The following ZFAT variants were observed in gnomAD, a reference collection of about 807,000 sequenced individuals.
The protein encoded by ZFAT is zinc finger protein ZFAT.
ZFAT carries 64 observed loss-of-function variants against 117.7 expected under a neutral mutation model. The ratio of observed to expected loss-of-function variants is 0.54; its 90% CI spans 0.44 to 0.67. The LOEUF (loss-of-function observed/expected upper bound fraction) is 0.67. Among genes scored for constraint, ZFAT ranks in the 30% least tolerant of loss-of-function variants. ZFAT has a pLI of 0.00. For synonymous variants in ZFAT, 679 were observed against 615.0 expected (o/e 1.10, Z -1.54); for missense variants, 1,433 against 1,584.5 (o/e 0.90, Z 1.62).
chr8:134,704,419 C>T (rs80340432), intron 1 of ZFAT, among the ~76,000 whole-genome samples: 1 of 152,142 alleles, frequency 6.6e-6, no homozygotes, highest in South Asian at 2.1e-4. Context: ...GGATGGAATG[C>T]CTGCAGGTCC....
intron 11 of ZFAT, among the ~76,000 whole-genome samples, chr8:134,542,826 G>T (rs536860922): frequency 6.6e-6 from 1 of 152,310 alleles, no homozygotes; most frequent in South Asian, 2.1e-4. Context: ...ACACCTCTCT[G>T]TGACACTCAG....
intron 10 of ZFAT, among the ~76,000 whole-genome samples, chr8:134,574,248 A>G (rs369588277): frequency 2.6e-5 from 4 of 152,242 alleles, no homozygotes; most frequent in African/African-American, 9.6e-5. Flanking sequence ...AAAGGCACCC[A>G]TGTCGCCCTA....
chr8:134,638,577 A>AAC (rs1563711829), intron 2 of ZFAT, among the ~76,000 whole-genome samples: 3 of 142,968 alleles, frequency 2.1e-5, no homozygotes, highest in African/African-American at 7.9e-5. Flanking sequence ...AAAAAAAAAA[A>AAC]CATTAACCAG....
At chr8:134,638,711 G>C (rs1001824587) in intron 2 of ZFAT, among the ~76,000 whole-genome samples, 1 of 150,930 alleles carries the variant, frequency 6.6e-6, no homozygotes, top group African/African-American at 2.4e-5. Flanking sequence ...CTGGGCAACA[G>C]AGCGAGACTC....
At chr8:134,816,999 T>C in the ZFAT span, among the ~76,000 whole-genome samples, 1 of 150,870 alleles carries the variant, frequency 6.6e-6, no homozygotes, top group East Asian at 1.9e-4. Context: ...AAAAAAAAAG[T>C]ATACCATTTA....
At chr8:134,539,589 C>T (rs1822098392) in intron 11 of ZFAT, among the ~76,000 whole-genome samples, 1 of 152,162 alleles carries the variant, frequency 6.6e-6, no homozygotes, top group Non-Finnish European at 1.5e-5. Context: ...AATAGAGATA[C>T]AGACAGAGAT....
chr8:134,592,098 A>G (rs1459650541), intron 7 of ZFAT, among the ~76,000 whole-genome samples: 2 of 152,180 alleles, frequency 1.3e-5, no homozygotes, highest in Non-Finnish European at 2.9e-5. Context: ...GGGGGAAGTT[A>G]ATCCACTCCA....
At position 134,533,909 on chromosome 8, in the gene ZFAT, C is replaced by A. The variant is rs140513256; in HGVS notation, c.2977-937G>T. On this transcript the variant is annotated intron_variant, in intron 11 of 15. Transcript: ENST00000377838. ...TGCCACAGCCCCTGGTCAGGAGCTG[C>A]CAGCATGCCCCTGTAATCCACATGC... 5.9e-3 allele frequency among the ~76,000 whole-genome samples: 892 copies of A among 152,318 alleles called. 13 individuals are homozygous for A. The highest frequency in any genetic ancestry group is 0.02 in the African/African-American group (839 of 41,574).
At chr8:134,817,101 T>C in the ZFAT span, among the ~76,000 whole-genome samples, 44,755 of 151,966 alleles carry the variant, frequency 0.29, 7,049 homozygotes, top group African/African-American at 0.4. Flanking sequence ...TGCTGCCCAG[T>C]TGATCAAACA....
chr8:134,565,002 A>G, intron 11 of ZFAT: 1 of 1,281,330 alleles, frequency 7.8e-7, no homozygotes, highest in South Asian at 1.4e-5. Flanking sequence ...GCAATCCAGG[A>G]TCTGAAAGCA....
intron 3 of ZFAT, among the ~76,000 whole-genome samples, chr8:134,621,212 G>A (rs1829083316): frequency 6.6e-6 from 1 of 150,502 alleles, no homozygotes; most frequent in Non-Finnish European, 1.5e-5. Context: ...GGGTAAGCCA[G>A]ATCACAGGAA....
At chr8:134,538,294 G>A (rs1176367079) in intron 11 of ZFAT, among the ~76,000 whole-genome samples, 3 of 152,092 alleles carry the variant, frequency 2.0e-5, no homozygotes, top group East Asian at 1.9e-4. Flanking sequence ...GAAGCTGAGC[G>A]CTCTAAATCC....
intron 3 of ZFAT, among the ~76,000 whole-genome samples, chr8:134,611,247 G>T (rs1828310374): frequency 6.6e-6 from 1 of 152,204 alleles, no homozygotes; most frequent in African/African-American, 2.4e-5. Context: ...TTCGTGGGGA[G>T]GTAAACCCTT....
the ZFAT span, chr8:134,797,891 T>TA: frequency 1.3e-5 from 2 of 151,906 alleles, no homozygotes; most frequent in East Asian, 1.9e-4. Flanking sequence ...TTTCTAGATT[T>TA]AAAAAACCTC....
At position 134,704,334 on chromosome 8, in the gene ZFAT, C is replaced by T. The variant is rs116762597; in HGVS notation, c.19+8511G>A. Among the ~76,000 whole-genome samples the T allele has an allele frequency of 4.2e-3, 646 of 152,286 alleles. 5 individuals are homozygous for T. The highest frequency in any genetic ancestry group is 0.015 in the African/African-American group (608 of 41,550). ...TGAAGATTACAGACCCAGGGCTGCA[C>T]GTAGGAAACCTGCAGAGTTTTCATG... is the stretch of plus-strand genomic sequence containing the variant. On this transcript the variant is annotated intron_variant, in intron 1 of 15. Coordinates refer to ENST00000377838, the MANE Select transcript of ZFAT (RefSeq NM_020863.4).
At chr8:134,576,399 A>G (rs1037947675) in intron 10 of ZFAT, among the ~76,000 whole-genome samples, 2 of 152,110 alleles carry the variant, frequency 1.3e-5, no homozygotes, top group Admixed American at 1.3e-4. Flanking sequence ...GCCCAGTGAT[A>G]AGCAACAGAA....
the ZFAT span, among the ~76,000 whole-genome samples, chr8:134,753,236 C>G: frequency 1.3e-5 from 2 of 148,600 alleles, no homozygotes; most frequent in East Asian, 4.0e-4. Flanking sequence ...AACCAACCAA[C>G]AACAACAACA....
chr8:134,592,862 T>G (rs1410020347), intron 7 of ZFAT, among the ~76,000 whole-genome samples: 1 of 152,180 alleles, frequency 6.6e-6, no homozygotes, highest in African/African-American at 2.4e-5. Flanking sequence ...CAAAAGTCCT[T>G]CTGAACAACC....
intron 11 of ZFAT, among the ~76,000 whole-genome samples, chr8:134,535,492 C>T (rs1287214655): frequency 7.0e-5 from 9 of 127,866 alleles, no homozygotes; most frequent in African/African-American, 8.7e-5. Flanking sequence ...TCCCCCTCCC[C>T]CTCCCCCTCC....
Sources: allele counts gnomAD v4.1 joint callset (sites outside exome capture counted in the v4.1 genomes callset), GRCh38; gene constraint gnomAD v4.1.1; transcripts MANE v1.5; gene names NCBI Gene and HGNC (gene_info 2026-07-23, HGNC 2026-07-21).